The following CECR2 variants were observed in gnomAD, a reference collection of about 807,000 sequenced individuals.
CECR2 encodes chromatin remodeling regulator CECR2.
A neutral mutation model predicts 154.5 loss-of-function variants in CECR2; 30 were observed. That is an observed-to-expected ratio of 0.19 (90% CI 0.15 to 0.26). CECR2 has a LOEUF of 0.26. CECR2 is among the 10% of genes least tolerant of loss of function. The pLI is 1.00. For missense variants in CECR2, 1,743 were observed against 1,829.3 expected, an observed-to-expected ratio of 0.95 and a Z score of 0.86; for synonymous variants, 725 against 683.7, an observed-to-expected ratio of 1.06 and a Z score of -0.94.
chr22:17,383,225 C>CA (rs1302767347), intron 1 of CECR2, among the ~76,000 whole-genome samples: 2 of 151,500 alleles, frequency 1.3e-5, no homozygotes, highest in Non-Finnish European at 2.9e-5. Context: ...ACTCCGTCTC[C>CA]AAAAAAATAA....
At chr22:17,543,481 C>T (rs761385774) in intron 16 of CECR2, among the ~76,000 whole-genome samples, 2 of 151,954 alleles carry the variant, frequency 1.3e-5, no homozygotes, top group Non-Finnish European at 2.9e-5. Flanking sequence ...CACAGTCCTT[C>T]TCTTGGTCCG....
At chr22:17,490,497 T>C in intron 2 of CECR2, among the ~76,000 whole-genome samples, 1 of 152,144 alleles carries the variant, frequency 6.6e-6, no homozygotes, top group East Asian at 1.9e-4. Flanking sequence ...TGCAGTGGTG[T>C]GATCTCAGCT....
At chr22:17,486,888 G>A (rs904600130) in intron 2 of CECR2, among the ~76,000 whole-genome samples, 6 of 152,168 alleles carry the variant, frequency 3.9e-5, no homozygotes, top group African/African-American at 1.4e-4. Flanking sequence ...AACACAAATC[G>A]CTGGGCCTCA....
intron 1 of CECR2, among the ~76,000 whole-genome samples, chr22:17,446,969 T>C (rs56679654): frequency 0.28 from 41,479 of 149,662 alleles, 8,080 homozygotes; most frequent in East Asian, 0.53. Flanking sequence ...TGTTTACAGT[T>C]CTTTAGCTAG....
At chr22:17,436,204 C>T (rs1244851722) in intron 1 of CECR2, among the ~76,000 whole-genome samples, 1 of 152,110 alleles carries the variant, frequency 6.6e-6, no homozygotes, top group Admixed American at 6.5e-5. Flanking sequence ...GTGATCTGCC[C>T]GCCTCGGCTT....
intron 17 of CECR2, among the ~76,000 whole-genome samples, chr22:17,550,907 A>C (rs574128191): frequency 6.6e-6 from 1 of 152,056 alleles, no homozygotes; most frequent in South Asian, 2.1e-4. Context: ...ATGCCACTGC[A>C]CTCCAGCCTG....
intron 1 of CECR2, among the ~76,000 whole-genome samples, chr22:17,467,071 C>G (rs1569101008): frequency 6.6e-6 from 1 of 152,190 alleles, no homozygotes; most frequent in Admixed American, 6.5e-5. Context: ...TCTGCGCTTT[C>G]TGTCTTCCTT....
At chr22:17,507,669 C>T (rs982058406) in intron 7 of CECR2, among the ~76,000 whole-genome samples, 4 of 151,986 alleles carry the variant, frequency 2.6e-5, no homozygotes, top group Admixed American at 2.6e-4. Context: ...TGATTCTTTT[C>T]AAAAGGAGAA....
At chr22:17,478,539 T>C (rs2055249971) in intron 2 of CECR2, among the ~76,000 whole-genome samples, 1 of 151,876 alleles carries the variant, frequency 6.6e-6, no homozygotes, top group Non-Finnish European at 1.5e-5. Context: ...GTATTTTTAG[T>C]GGAAATGGGG....
At chr22:17,362,937 ATTG>A (rs886129740) in intron 1 of CECR2, among the ~76,000 whole-genome samples, 1 of 150,372 alleles carries the variant, frequency 6.7e-6, no homozygotes, top group Non-Finnish European at 1.5e-5. Flanking sequence ...ACGTCCAAGA[ATTG>A]TTGTTTCTTC....
intron 1 of CECR2, among the ~76,000 whole-genome samples, chr22:17,434,145 TA>T (rs975276843): frequency 2.6e-5 from 4 of 150,970 alleles, no homozygotes; most frequent in African/African-American, 9.7e-5. Flanking sequence ...TCCATGAGGG[TA>T]AAAAAAAATG....
At chr22:17,426,301 T>C (rs5746373) in intron 1 of CECR2, among the ~76,000 whole-genome samples, 10,212 of 152,228 alleles carry the variant, frequency 0.067, 936 homozygotes, top group East Asian at 0.36. Flanking sequence ...TTTTACAATT[T>C]GTTTAAAGTC....
intron 15 of CECR2, 87 bp from the exon 16 acceptor site, chr22:17,542,070 C>T (rs2056532578): frequency 1.9e-6 from 3 of 1,568,288 alleles, no homozygotes; most frequent in Non-Finnish European, 2.6e-6. Flanking sequence ...CGTCCTTTCC[C>T]AAAGAGTCTG....
intron 1 of CECR2, among the ~76,000 whole-genome samples, chr22:17,433,592 C>T (rs941376811): frequency 4.6e-5 from 7 of 152,044 alleles, no homozygotes; most frequent in Non-Finnish European, 8.8e-5. Flanking sequence ...ACTACAGGTG[C>T]GCACTGCCAT....
chr22:17,416,992 C>T (rs1024911237), intron 1 of CECR2, among the ~76,000 whole-genome samples: 2 of 150,210 alleles, frequency 1.3e-5, no homozygotes, highest in Non-Finnish European at 2.9e-5. Context: ...TCTCTTGATA[C>T]GTATATCACA....
At chr22:17,428,097 A>C (rs923720615) in intron 1 of CECR2, among the ~76,000 whole-genome samples, 6 of 152,096 alleles carry the variant, frequency 3.9e-5, no homozygotes, top group African/African-American at 1.4e-4. Context: ...GCATGTTTTC[A>C]TGTGTCTGTA....
At chr22:17,381,186 C>T (rs11089174) in intron 1 of CECR2, among the ~76,000 whole-genome samples, 20,414 of 152,118 alleles carry the variant, frequency 0.13, 2,878 homozygotes, top group African/African-American at 0.35. Context: ...TCCACTCTTA[C>T]ACTGGCATTG....
chr22:17,381,944 G>C (rs1025048304), intron 1 of CECR2, among the ~76,000 whole-genome samples: 1 of 151,538 alleles, frequency 6.6e-6, no homozygotes, highest in Non-Finnish European at 1.5e-5. Flanking sequence ...CTGGAGTGCA[G>C]TGGCACAATC....
intron 1 of CECR2, among the ~76,000 whole-genome samples, chr22:17,380,853 A>C (rs1370888497): frequency 1.2e-4 from 18 of 152,208 alleles, no homozygotes; most frequent in South Asian, 8.3e-4. Flanking sequence ...GTTCCTTTTA[A>C]TGAACAGCCC....
Sources: gnomAD v4.1 joint callset for allele counts (sites outside exome capture counted in the v4.1 genomes callset) on GRCh38, gnomAD v4.1.1 for gene constraint, MANE v1.5 for transcripts, NCBI Gene and HGNC (gene_info 2026-07-23, HGNC 2026-07-21) for gene names.